PCP4L1: variants seen among roughly 807,000 people sequenced by gnomAD.
PCP4L1 encodes Purkinje cell protein 4 like 1.
PCP4L1 carries 9 observed loss-of-function variants against 9.6 expected under a neutral mutation model. That is an observed-to-expected ratio of 0.94 (90% CI 0.57 to 1.64). PCP4L1 has a LOEUF of 1.64. Among genes scored for constraint, PCP4L1 ranks in the 40% most tolerant of loss-of-function variants. The probability of loss-of-function intolerance (pLI) is 0.00; values close to 1 mark genes in which losing one functional copy is unlikely to be tolerated. For synonymous variants in PCP4L1, 31 were observed against 28.2 expected (o/e 1.10, Z -0.31); for missense variants, 81 against 80.8 (o/e 1.00, Z -0.01).
intron 1 of PCP4L1, among the ~76,000 whole-genome samples, chr1:161,268,636 A>G (rs935911164): frequency 7.7e-6 from 1 of 130,272 alleles, no homozygotes; most frequent in Non-Finnish European, 1.5e-5. Flanking sequence ...TGCAACCTCT[A>G]CCTCCCAGGT....
At chr1:161,272,349 G>A (rs2102236366) in intron 1 of PCP4L1, among the ~76,000 whole-genome samples, 1 of 151,860 alleles carries the variant, frequency 6.6e-6, no homozygotes, top group East Asian at 2.0e-4. Context: ...CATGAGGTCA[G>A]GAGTTCGAGA....
rs750477432 is a variant in PCP4L1, at chr1:161,284,363, CGGA to C, written c.103_105del (p.Glu35del). On this transcript the variant is annotated inframe_deletion, in exon 3 of 3. Transcript: ENST00000504449. ...GGAAAAGCTGGCAATGTCAAGAAGG[CGGA>C]GGAGGAGGAGGAGATTGACATTGAT... is the stretch of plus-strand genomic sequence containing the variant. The C allele has an allele frequency of 2.5e-6, 4 of 1,612,610 alleles. No homozygotes were observed. The highest frequency in any genetic ancestry group is 3.4e-6 in the Non-Finnish European group (4 of 1,179,080).
chr1:161,275,269 C>T lies in PCP4L1; in HGVS notation c.10-8399C>T, dbSNP rs376358795. Among the ~76,000 whole-genome samples the T allele has an allele frequency of 9.9e-5, 15 of 152,220 alleles. No homozygotes were observed. The East Asian group carries it at 2.1e-3, about 22-fold the overall frequency. The stretch of plus-strand genomic sequence containing the variant: ...TGGTGGCTCACGTCTGTAATCCCAG[C>T]ACTTTGGGAGGCTGAGGCAGGCGGA... On this transcript the variant is annotated intron_variant, in intron 1 of 2. Coordinates refer to ENST00000504449, the MANE Select transcript of PCP4L1 (RefSeq NM_001102566.2).
chr1:161,283,321 C>G (rs1277989622), intron 1 of PCP4L1, among the ~76,000 whole-genome samples: 1 of 152,202 alleles, frequency 6.6e-6, no homozygotes, highest in African/African-American at 2.4e-5. Context: ...CATTTCCACC[C>G]CAGTACTTAC....
chr1:161,275,343 C>G (rs1431530011), intron 1 of PCP4L1, among the ~76,000 whole-genome samples: 1 of 151,440 alleles, frequency 6.6e-6, no homozygotes, highest in Non-Finnish European at 1.5e-5. Context: ...GGTGAAACCC[C>G]GTCTCTACTA....
intron 1 of PCP4L1, among the ~76,000 whole-genome samples, chr1:161,260,241 A>C (rs934366906): frequency 6.6e-6 from 1 of 152,210 alleles, no homozygotes; most frequent in African/African-American, 2.4e-5. Flanking sequence ...ATTAGTGCCA[A>C]CTGCTGTGTT....
chr1:161,268,641 C>T (rs1364847536), intron 1 of PCP4L1, among the ~76,000 whole-genome samples: 3 of 148,278 alleles, frequency 2.0e-5, no homozygotes, highest in Non-Finnish European at 4.4e-5. Context: ...CCTCTACCTC[C>T]CAGGTTCAAG....
intron 2 of PCP4L1, among the ~76,000 whole-genome samples, 155 bp from the exon 3 acceptor site, chr1:161,284,184 T>C (rs1185998944): frequency 1.3e-5 from 2 of 152,238 alleles, no homozygotes; most frequent in African/African-American, 4.8e-5. Context: ...CTCAGACTTC[T>C]AGGGGAATTA....
chr1:161,268,028 T>C (rs1669557595), intron 1 of PCP4L1, among the ~76,000 whole-genome samples: 1 of 152,120 alleles, frequency 6.6e-6, no homozygotes, highest in Non-Finnish European at 1.5e-5. Context: ...TACTATCTGG[T>C]GAGGCAAGGA....
intron 1 of PCP4L1, among the ~76,000 whole-genome samples, chr1:161,271,247 A>C (rs1352824156): frequency 6.6e-6 from 1 of 152,138 alleles, no homozygotes; most frequent in African/African-American, 2.4e-5. Context: ...GAAAATTTTT[A>C]ATAGGTATGT....
chr1:161,272,449 G>A (rs989617592), intron 1 of PCP4L1, among the ~76,000 whole-genome samples: 13 of 151,136 alleles, frequency 8.6e-5, no homozygotes, highest in Non-Finnish European at 1.6e-4. Context: ...TCCCAGCTAC[G>A]CGGGAGGCTG....
In PCP4L1 at chr1:161,284,694, T is replaced by A; in HGVS notation, c.*213T>A. On this transcript the variant is annotated 3_prime_UTR_variant, in exon 3 of 3. Transcript: ENST00000504449. ...AGACTTCAATCAGCAGTCACTAGTC[T>A]AAGGGTGGAACAATTTCTTCTTGGT... is the stretch of plus-strand genomic sequence containing the variant. 1.6e-6 allele frequency: 1 copy of A among 634,254 alleles called. No individual in the cohort carries two copies. The highest frequency in any genetic ancestry group is 2.7e-6 in the Non-Finnish European group (1 of 367,622). 39.3% of individuals were successfully genotyped at this position (634,254 alleles called of 1,614,324 possible). A position where few individuals can be genotyped will look rare whatever the true frequency, so the allele number is the denominator to read the frequency against.
chr1:161,265,390 T>G (rs2102232185), intron 1 of PCP4L1, among the ~76,000 whole-genome samples: 1 of 152,070 alleles, frequency 6.6e-6, no homozygotes, highest in East Asian at 1.9e-4. Flanking sequence ...ATTAGCCAGA[T>G]ATGGTGGTGT....
At chr1:161,280,841 A>G (rs1030808673) in intron 1 of PCP4L1, among the ~76,000 whole-genome samples, 5 of 151,118 alleles carry the variant, frequency 3.3e-5, no homozygotes, top group African/African-American at 1.2e-4. Context: ...TTTTTTTTTA[A>G]TGTTATTTAT....
At chr1:161,279,031 C>T (rs1271860304) in intron 1 of PCP4L1, among the ~76,000 whole-genome samples, 14 of 152,012 alleles carry the variant, frequency 9.2e-5, no homozygotes, top group African/African-American at 1.7e-4. Context: ...AATCCGCCCA[C>T]CTTGGCCTCC....
At chr1:161,273,889 C>T (rs553473702) in intron 1 of PCP4L1, among the ~76,000 whole-genome samples, 2 of 152,268 alleles carry the variant, frequency 1.3e-5, no homozygotes, top group African/African-American at 4.8e-5. Context: ...CATGCACATA[C>T]ATACTCATAC....
intron 1 of PCP4L1, among the ~76,000 whole-genome samples, chr1:161,260,634 A>C (rs1253274923): frequency 6.6e-6 from 1 of 152,178 alleles, no homozygotes; most frequent in Non-Finnish European, 1.5e-5. Flanking sequence ...AGGGGCTGGC[A>C]TTTAGAGTGG....
intron 1 of PCP4L1, among the ~76,000 whole-genome samples, chr1:161,281,682 C>T (rs888202214): frequency 6.0e-5 from 9 of 150,632 alleles, no homozygotes; most frequent in Non-Finnish European, 7.4e-5. Flanking sequence ...GGGTGGCTGC[C>T]GGGCGGAGGG....
chr1:161,281,269 A>G (rs993410829), intron 1 of PCP4L1, among the ~76,000 whole-genome samples: 16 of 151,966 alleles, frequency 1.1e-4, no homozygotes, highest in Non-Finnish European at 2.2e-4. Flanking sequence ...CAACCATCCG[A>G]TTTCTCAATC....
Sources: allele counts gnomAD v4.1 joint callset (sites outside exome capture counted in the v4.1 genomes callset), GRCh38; gene constraint gnomAD v4.1.1; transcripts MANE v1.5; gene names NCBI Gene and HGNC (gene_info 2026-07-23, HGNC 2026-07-21).